TMEM260: variants seen among roughly 807,000 people sequenced by gnomAD.
TMEM260 encodes the protein protein O-mannosyl-transferase TMEM260.
In TMEM260, 82 loss-of-function variants were observed where a neutral mutation model predicts 88.9. The observed-to-expected ratio is 0.92, with a 90% CI of 0.77 to 1.11. The LOEUF (loss-of-function observed/expected upper bound fraction) is 1.11, where lower values mean the gene tolerates loss of function less well. Ranked by LOEUF, TMEM260 falls within the 50% of genes least tolerant of loss-of-function variation. The probability of loss-of-function intolerance (pLI) is 0.00; values close to 1 mark genes in which losing one functional copy is unlikely to be tolerated. For missense variants in TMEM260, 902 were observed against 853.4 expected, an observed-to-expected ratio of 1.06 and a Z score of -0.71; for synonymous variants, 314 against 309.3, an observed-to-expected ratio of 1.02 and a Z score of -0.16.
the TMEM260 span, among the ~76,000 whole-genome samples, chr14:56,656,302 C>A: frequency 3.3e-5 from 5 of 151,896 alleles, no homozygotes; most frequent in African/African-American, 1.2e-4. Context: ...GCCTGTGGTC[C>A]CAGCTACTCA....
chr14:56,622,382 A>G (rs1887988663), intron 11 of TMEM260, among the ~76,000 whole-genome samples: 1 of 151,174 alleles, frequency 6.6e-6, no homozygotes, highest in Non-Finnish European at 1.5e-5. Context: ...TTTTATATTC[A>G]GCTAACTCAA....
At position 56,596,406 on chromosome 14, in the gene TMEM260, G is replaced by GTGTATATA. The variant is rs1290307932; in HGVS notation, c.345-7408_345-7407insGTATATAT. 8.4e-4 allele frequency among the ~76,000 whole-genome samples: 93 copies of GTGTATATA among 111,328 alleles called. 1 individual carries two copies. In the Middle Eastern group the frequency reaches 0.013, roughly 15 times the overall value. The allele number at this position is 111,328 out of a possible 152,430, so 73.0% of individuals were successfully genotyped here. A position where few individuals can be genotyped will look rare whatever the true frequency, so the allele number is the denominator to read the frequency against. ...AGTGTGTGTGTGTGTGTGTGTGTGT[G>GTGTATATA]TATATATATATATATATATACATAC... On this transcript the variant is annotated intron_variant, in intron 3 of 15. Coordinates refer to ENST00000261556, the MANE Select transcript of TMEM260 (RefSeq NM_017799.4).
intron 3 of TMEM260, among the ~76,000 whole-genome samples, chr14:56,590,434 C>G (rs1218817048): frequency 6.6e-6 from 1 of 152,212 alleles, no homozygotes; most frequent in Non-Finnish European, 1.5e-5. Flanking sequence ...AGGCAATATT[C>G]TGAGCGGTGG....
intron 7 of TMEM260, among the ~76,000 whole-genome samples, chr14:56,614,219 T>TAAA (rs397852138): frequency 5.4e-5 from 6 of 111,542 alleles, no homozygotes; most frequent in South Asian, 6.3e-4. Flanking sequence ...TACAAAACAT[T>TAAA]AAAAAAAAAA....
intron 14 of TMEM260, 127 bp downstream of exon 14, chr14:56,635,079 GTTT>G: frequency 1.3e-6 from 1 of 790,176 alleles, no homozygotes. Context: ...GAGCAATTAT[GTTT>G]TTGAGGCACT....
chr14:56,642,171 A>C (rs1889646321), intron 15 of TMEM260, among the ~76,000 whole-genome samples: 1 of 152,242 alleles, frequency 6.6e-6, no homozygotes, highest in Non-Finnish European at 1.5e-5. Context: ...ATAGAGATCT[A>C]CAGAACTCTC....
At chr14:56,637,334 G>A (rs550681178) in intron 15 of TMEM260, among the ~76,000 whole-genome samples, 23 of 152,174 alleles carry the variant, frequency 1.5e-4, no homozygotes, top group Non-Finnish European at 2.1e-4. Flanking sequence ...GAGATTTCAC[G>A]AGAAGAGATG....
At chr14:56,608,532 C>T (rs939476979) in intron 5 of TMEM260, among the ~76,000 whole-genome samples, 4 of 151,958 alleles carry the variant, frequency 2.6e-5, no homozygotes, top group Non-Finnish European at 4.4e-5. Context: ...ATATTCTATC[C>T]TATATGTAAA....
At chr14:56,653,741 C>CAAAAA (rs370392374), downstream of TMEM260, among the ~76,000 whole-genome samples, 1 of 97,912 alleles carries the variant, frequency 1.0e-5, no homozygotes, top group African/African-American at 4.0e-5. Context: ...GTCTCCAAAA[C>CAAAAA]AAAAAAAAAA....
At chr14:56,651,326 GA>G (rs72001981), downstream of TMEM260, among the ~76,000 whole-genome samples, 16,983 of 148,542 alleles carry the variant, frequency 0.11, 1,256 homozygotes, top group East Asian at 0.32. Flanking sequence ...GGTTTTTCAG[GA>G]AAAAAAAAAA....
chr14:56,646,682 T>C (rs1294566499), intron 15 of TMEM260, among the ~76,000 whole-genome samples: 1 of 152,240 alleles, frequency 6.6e-6, no homozygotes, highest in Admixed American at 6.5e-5. Context: ...GGATATCTCT[T>C]AAATTCTATC....
At position 56,580,018 on chromosome 14, in the gene TMEM260, C is replaced by A; in HGVS notation, c.104C>A (p.Ala35Asp). The change falls in exon 1 of 16, where the codon GCC becomes GAC. Residue 35 changes from alanine (A) to aspartate (D), a missense_variant. Coordinates refer to ENST00000261556, the MANE Select transcript of TMEM260 (RefSeq NM_017799.4). ...GIRGGVAVFA[A>D]VAAVFTFTLP... The stretch of plus-strand genomic sequence containing the variant: ...CGCGGCGGCGTGGCGGTGTTCGCCG[C>A]CGTGGCCGCAGTGTTCACCTTCACC... The A allele has an allele frequency of 8.0e-7, 1 of 1,248,948 alleles. No homozygotes were observed. 77.4% of individuals were successfully genotyped at this position (1,248,948 alleles called of 1,614,324 possible). A position where few individuals can be genotyped will look rare whatever the true frequency, so the allele number is the denominator to read the frequency against.
intron 3 of TMEM260, among the ~76,000 whole-genome samples, chr14:56,589,405 G>A (rs1314764164): frequency 6.6e-6 from 1 of 151,992 alleles, no homozygotes; most frequent in African/African-American, 2.4e-5. Flanking sequence ...TGAAAGTAAA[G>A]CTCTTATTTT....
chr14:56,639,325 CAAAG>C (rs1186602120), intron 15 of TMEM260, among the ~76,000 whole-genome samples: 2 of 152,010 alleles, frequency 1.3e-5, no homozygotes, highest in South Asian at 2.1e-4. Flanking sequence ...GATTGTAACA[CAAAG>C]AAGGGATAAA....
At chr14:56,612,527 A>G in intron 7 of TMEM260, 1 of 518,914 alleles carries the variant, frequency 1.9e-6, no homozygotes, top group South Asian at 2.4e-5. Context: ...AAAATGGCAT[A>G]ATATTTGTAT....
In TMEM260 at chr14:56,603,928, T is replaced by G; in HGVS notation, c.458T>G (p.Val153Gly). ...AEVFSLNNLF[V>G]GLLMALTVHF... ...GTTTTTAGCTTAAACAATCTCTTTG[T>G]GGGGCTGCTTATGGCTCTTACTGTA... The change falls in exon 4 of 16, where the codon GTG becomes GGG. Residue 153 changes from valine (V) to glycine (G), a missense_variant. Coordinates refer to ENST00000261556, the MANE Select transcript of TMEM260 (RefSeq NM_017799.4). 1 of 1,613,142 alleles carries G rather than the reference T, an allele frequency of 6.2e-7. No individual in the cohort carries two copies. The highest frequency in any genetic ancestry group is 8.5e-7 in the Non-Finnish European group (1 of 1,179,638).
At chr14:56,589,519 C>T (rs1004143737) in intron 3 of TMEM260, among the ~76,000 whole-genome samples, 3 of 152,014 alleles carry the variant, frequency 2.0e-5, no homozygotes, top group Admixed American at 6.6e-5. Flanking sequence ...TTTCAGGAAA[C>T]TCACATAAAA....
Position 56,645,517 on chromosome 14 carries a change from T to C in TMEM260, c.1870-1726T>C, listed in dbSNP as rs542582498. Among the ~76,000 whole-genome samples the C allele has an allele frequency of 4.2e-3, 636 of 151,844 alleles. 8 individuals carry two copies. The South Asian group carries it at 0.047, about 11-fold the overall frequency. On this transcript the variant is annotated intron_variant, in intron 15 of 15. Transcript: ENST00000261556. Reference sequence around the variant, plus strand: ...GTGGGGTGGGGGTAGGGGGGAGGGATAGCATTAGGAGATATACCTAATGCT... The same window carrying C: ...GTGGGGTGGGGGTAGGGGGGAGGGACAGCATTAGGAGATATACCTAATGCT...
At chr14:56,608,033 G>A (rs759163804) in intron 5 of TMEM260, among the ~76,000 whole-genome samples, 7 of 152,110 alleles carry the variant, frequency 4.6e-5, no homozygotes, top group Non-Finnish European at 7.4e-5. Flanking sequence ...AATAGCAAAG[G>A]CATGTTGTTA....
Sources: allele counts gnomAD v4.1 joint callset (sites outside exome capture counted in the v4.1 genomes callset), GRCh38; gene constraint gnomAD v4.1.1; transcripts MANE v1.5; gene names NCBI Gene and HGNC (gene_info 2026-07-23, HGNC 2026-07-21).